Variants in NGEF observed in about 807,000 individuals in gnomAD.
NGEF encodes the protein neuronal guanine nucleotide exchange factor.
NGEF carries 31 observed loss-of-function variants against 80.9 expected under a neutral mutation model. That is an observed-to-expected ratio of 0.38 (90% CI 0.29 to 0.52). The LOEUF (loss-of-function observed/expected upper bound fraction) is 0.52. NGEF is among the 20% of genes least tolerant of loss of function. The pLI is 0.84. For synonymous variants in NGEF, 371 were observed against 370.2 expected (o/e 1.00, Z -0.03); for missense variants, 709 against 926.2 (o/e 0.77, Z 3.04).
chr2:233,010,769 G>T (rs1695185958), intron 1 of NGEF, among the ~76,000 whole-genome samples: 1 of 152,272 alleles, frequency 6.6e-6, no homozygotes, highest in South Asian at 2.1e-4. Context: ...TGGCCTCCAG[G>T]ATGGCTGCCA....
At chr2:232,881,125 G>C in intron 14 of NGEF, 21 bp downstream of exon 14, 2 of 1,607,068 alleles carry the variant, frequency 1.2e-6, no homozygotes, top group Non-Finnish European at 1.7e-6. Flanking sequence ...GGGGCCCCGA[G>C]GGGAGGTCCC....
In NGEF at chr2:232,879,363, C is replaced by T. The variant is rs764052049; in HGVS notation, c.*126G>A. 2.0e-4 allele frequency: 186 copies of T among 942,660 alleles called. No homozygotes were observed. Among genetic ancestry groups the T allele is most frequent in the Non-Finnish European group, 2.6e-4 (162 of 629,550 alleles). The allele number at this position is 942,660 out of a possible 1,614,324, so 58.4% of individuals were successfully genotyped here. A position where few individuals can be genotyped will look rare whatever the true frequency, so the allele number is the denominator to read the frequency against. ...TCACTGCGTGGGCAGGGATGAGGGC[C>T]GGGCACCCCAAGCCAGATCCTGCCA... On this transcript the variant is annotated 3_prime_UTR_variant, in exon 15 of 15. Transcript: ENST00000264051.
rs368117136 is a variant in NGEF at position 232,882,157 on chromosome 2, T to A, written c.1837+29A>T. 31 of 1,605,470 alleles carry A rather than the reference T, an allele frequency of 1.9e-5. No individual in the cohort carries two copies. In the South Asian group the frequency reaches 2.9e-4, roughly 15 times the overall value. ...CCGGCAGGGCCAGCCCAAGGACAAATGGCGCCCCCTTACCCACCGGTGACT... is the reference window on the plus strand; with the variant it reads ...CCGGCAGGGCCAGCCCAAGGACAAAAGGCGCCCCCTTACCCACCGGTGACT... On this transcript the variant is annotated intron_variant, in intron 13 of 14. Coordinates refer to ENST00000264051, the MANE Select transcript of NGEF (RefSeq NM_019850.3).
rs573547645 is a variant in NGEF, at chr2:233,003,996, G to T, written c.-75+9072C>A. ...TTGGAGTTTTCTGACCTCCTTGCCT[G>T]GGTGAGGGCAGACAGATGTCACAGT... On this transcript the variant is annotated intron_variant, in intron 1 of 14. Coordinates refer to ENST00000264051, the MANE Select transcript of NGEF (RefSeq NM_019850.3). Among the ~76,000 whole-genome samples, 232 of 152,266 alleles carry T rather than the reference G, an allele frequency of 1.5e-3. 4 individuals carry two copies. The highest frequency in any genetic ancestry group is 5.7e-4 in the Non-Finnish European group (39 of 68,024).
chr2:233,004,744 A>G (rs971423186), intron 1 of NGEF, among the ~76,000 whole-genome samples: 2 of 133,944 alleles, frequency 1.5e-5, no homozygotes, highest in African/African-American at 5.6e-5. Flanking sequence ...CTCTCCCCTC[A>G]CCCCCCATCG....
chr2:232,974,480 T>C lies in NGEF; in HGVS notation c.268+143A>G, dbSNP rs938577920. On this transcript the variant is annotated intron_variant, in intron 2 of 14. Transcript: ENST00000264051. ...GGAATTTGGGTTCTTTAGATAATGG[T>C]TTTAAAATGCACTACCCTGTTGAAA... 9 of 1,022,664 alleles carry C rather than the reference T, an allele frequency of 8.8e-6. No individual in the cohort carries two copies. The African/African-American group carries it at 1.5e-4, about 16-fold the overall frequency. The allele number at this position is 1,022,664 out of a possible 1,614,324, so 63.3% of individuals were successfully genotyped here.
rs571754378 is a variant in NGEF, at chr2:232,885,272, C to T, written c.1437+8G>A. On this transcript the variant is annotated splice_region_variant and intron_variant, in intron 10 of 14. Coordinates refer to ENST00000264051, the MANE Select transcript of NGEF (RefSeq NM_019850.3). ...GGGCACAGGCTCACACCAATCCCAC[C>T]GGTTCACCTTGATCTTGAACTCCAT... The T allele has an allele frequency of 1.7e-5, 27 of 1,613,180 alleles. No individual in the cohort carries two copies. Among genetic ancestry groups the T allele is most frequent in the South Asian group, 1.2e-4 (11 of 91,066 alleles).
At chr2:232,976,111 G>A (rs1242810855) in intron 1 of NGEF, among the ~76,000 whole-genome samples, 1 of 152,164 alleles carries the variant, frequency 6.6e-6, no homozygotes, top group East Asian at 1.9e-4. Flanking sequence ...TGAGGCAGGA[G>A]AATCGCTTGA....
intron 11 of NGEF, 31 bp downstream of exon 11, chr2:232,883,950 G>A (rs1247814258): frequency 1.5e-5 from 23 of 1,581,574 alleles, no homozygotes; most frequent in Middle Eastern, 3.4e-4. Context: ...TCTACCCACC[G>A]GAGCGCCTGA....
intron 5 of NGEF, among the ~76,000 whole-genome samples, chr2:232,898,329 C>T (rs1022158297): frequency 6.6e-5 from 10 of 152,186 alleles, no homozygotes; most frequent in Admixed American, 2.0e-4. Context: ...TCTGGATCAC[C>T]CGGATCTTCT....
In NGEF at chr2:232,894,936, T is replaced by C. The variant is rs754438578; in HGVS notation, c.829-20A>G. On this transcript the variant is annotated intron_variant, in intron 5 of 14. Transcript: ENST00000264051. ...CATGGCCTGTAGCAGGGAGACCCCA[T>C]GGTTACCGCCTGAAGTTGGCCTTCC... 4 of 1,554,128 alleles carry C rather than the reference T, an allele frequency of 2.6e-6. No individual in the cohort carries two copies. The highest frequency in any genetic ancestry group is 1.2e-5 in the South Asian group (1 of 86,320).
At chr2:232,974,531 C>T in intron 2 of NGEF, 92 bp downstream of exon 2, 2 of 1,429,536 alleles carry the variant, frequency 1.4e-6, no homozygotes, top group African/African-American at 2.9e-5. Context: ...TTCAATGCCA[C>T]TTATCCTTTC....
intron 3 of NGEF, among the ~76,000 whole-genome samples, chr2:232,959,496 G>A (rs1455320338): frequency 6.6e-6 from 1 of 151,836 alleles, no homozygotes; most frequent in Non-Finnish European, 1.5e-5. Context: ...GTGGAAATGG[G>A]ACATTGCCCA....
chr2:232,962,758 T>G (rs1693980055), intron 3 of NGEF, among the ~76,000 whole-genome samples: 1 of 151,928 alleles, frequency 6.6e-6, no homozygotes, highest in African/African-American at 2.4e-5. Flanking sequence ...TACAAATCAT[T>G]GCTGAATTAA....
chr2:232,890,232 TCTGTCC>T (rs2106226768), intron 8 of NGEF, among the ~76,000 whole-genome samples: 1 of 152,074 alleles, frequency 6.6e-6, no homozygotes, highest in Admixed American at 6.5e-5. Flanking sequence ...GGAGGGGGTC[TCTGTCC>T]TGCCTCACTG....
chr2:232,883,644 A>G lies in NGEF; in HGVS notation c.1602-178T>C, dbSNP rs1026045882. On this transcript the variant is annotated intron_variant, in intron 11 of 14. Transcript: ENST00000264051. ...GCACCCCAAAAGGGTGACCCATCCC[A>G]GGTGCGGACAGTGAACAGCACCACG... Among the ~76,000 whole-genome samples, 5 of 152,280 alleles carry G rather than the reference A, an allele frequency of 3.3e-5. No homozygotes were observed. In the South Asian group the frequency reaches 6.2e-4, roughly 19 times the overall value.
rs751768617 is a variant in NGEF, at chr2:232,881,180, G to A, written c.1908C>T (p.Ala636=). ...TCTTGTCCAGGATGTTGAGGATGTC[G>A]GCGAGCTCCAGCGTCAGCTCGTCTG... ...QQPDELTLEL[A]DILNILDKTD... Residue 636 remains alanine, a synonymous_variant, in exon 14 of 15, where the codon GCC becomes GCT. Transcript: ENST00000264051. The A allele has an allele frequency of 5.6e-6, 9 of 1,612,214 alleles. No individual in the cohort carries two copies. Among genetic ancestry groups the A allele is most frequent in the Non-Finnish European group, 7.6e-6 (9 of 1,180,012 alleles).
Position 232,966,857 on chromosome 2 carries a change from G to T in NGEF, c.383+3357C>A, listed in dbSNP as rs187656725. ...TCTGTTGATACCCTCCAGTGAGGGT[G>T]GGGGGGGAGGCGGGTGAGGAGCTAA... On this transcript the variant is annotated intron_variant, in intron 3 of 14. Coordinates refer to ENST00000264051, the MANE Select transcript of NGEF (RefSeq NM_019850.3). Among the ~76,000 whole-genome samples, 83 of 151,528 alleles carry T rather than the reference G, an allele frequency of 5.5e-4. 2 individuals are homozygous for T. The highest frequency in any genetic ancestry group is 1.6e-3 in the African/African-American group (64 of 41,150).
At chr2:232,946,944 G>A (rs1262009868) in intron 3 of NGEF, among the ~76,000 whole-genome samples, 2 of 133,530 alleles carry the variant, frequency 1.5e-5, no homozygotes, top group Non-Finnish European at 3.4e-5. Flanking sequence ...CAAAGGAAGG[G>A]TCTTCTTCAC....
Sources: allele counts gnomAD v4.1 joint callset (sites outside exome capture counted in the v4.1 genomes callset), GRCh38; gene constraint gnomAD v4.1.1; transcripts MANE v1.5; gene names NCBI Gene and HGNC (gene_info 2026-07-23, HGNC 2026-07-21).